ACADVL: variants seen among roughly 807,000 people sequenced by gnomAD.
The protein encoded by ACADVL is acyl-CoA dehydrogenase very long chain.
ACADVL carries 73 observed loss-of-function variants against 80.4 expected under a neutral mutation model. The ratio of observed to expected loss-of-function variants is 0.91; its 90% confidence interval spans 0.75 to 1.10. The LOEUF is 1.10. Among genes scored for constraint, ACADVL ranks in the 50% least tolerant of loss-of-function variants. ACADVL has a pLI of 0.00. For missense variants in ACADVL, 878 were observed against 858.9 expected (o/e 1.02, Z -0.28); for synonymous variants, 392 against 326.5 (o/e 1.20, Z -2.16).
At chr17:7,220,345 G>C (rs925642600) in intron 2 of ACADVL, 119 bp from the exon 3 acceptor site, 21 of 1,558,040 alleles carry the variant, frequency 1.3e-5, no homozygotes, top group Admixed American at 3.5e-5. Context: ...GGGTGCCCTA[G>C]GGCGAAACTA....
chr17:7,218,361 C>T, upstream of ACADVL: 2 of 1,507,180 alleles, frequency 1.3e-6, no homozygotes, highest in Non-Finnish European at 1.8e-6. Context: ...CCGCTGCTGG[C>T]TGGCTGGCAA....
chr17:7,221,973 G>C lies in ACADVL; in HGVS notation c.644G>C (p.Cys215Ser), dbSNP rs761405004. The change falls in exon 8 of 20, where the codon TGT becomes TCT. Residue 215 changes from cysteine (C) to serine (S), a missense_variant. Physicochemically the swap from Cys to Ser is moderately radical, Grantham distance 112 (BLOSUM62 -1). Coordinates refer to ENST00000356839, the MANE Select transcript of ACADVL (RefSeq NM_000018.4). Reference protein sequence around the residue: ...LASGETVAAFCLTEPSSGSDA... With the variant: ...LASGETVAAFSLTEPSSGSDA... Reference sequence around the variant, plus strand: ...ACAGGGGAGACTGTGGCCGCTTTCTGTCTAACCGAGCCCTCAAGCGGGTCA... The same window carrying C: ...ACAGGGGAGACTGTGGCCGCTTTCTCTCTAACCGAGCCCTCAAGCGGGTCA... The C allele has an allele frequency of 1.2e-5, 20 of 1,614,052 alleles. No homozygotes were observed. Among genetic ancestry groups the C allele is most frequent in the Non-Finnish European group, 1.6e-5 (19 of 1,179,948 alleles).
At chr17:7,218,175 A>AT, upstream of ACADVL, 1 of 1,415,614 alleles carries the variant, frequency 7.1e-7, no homozygotes, top group Non-Finnish European at 9.8e-7. Context: ...TATTAGTGAT[A>AT]TTTGGCTCAC....
intron 6 of ACADVL, 38 bp from the exon 7 acceptor site, chr17:7,221,500 C>A (rs755623789): frequency 2.5e-6 from 4 of 1,611,610 alleles, no homozygotes; most frequent in Non-Finnish European, 1.7e-6. Context: ...GGTCCCCCTG[C>A]AGCCAGTGAC....
chr17:7,220,971 G>C lies in ACADVL; in HGVS notation c.390G>C (p.Glu130Asp). Residue 130 changes from glutamate (E) to aspartate (D), a missense_variant, in exon 6 of 20, where the codon GAG becomes GAC. Coordinates refer to ENST00000356839, the MANE Select transcript of ACADVL (RefSeq NM_000018.4). ...ATGACGCTCTGGAGATGGTGGAGGA[G>C]ACCACTTGGCAGGGCCTCAAGGAGC... ...AKNDALEMVE[E>D]TTWQGLKELG... The C allele has an allele frequency of 5.0e-6, 8 of 1,614,070 alleles. No homozygotes were observed. Among genetic ancestry groups the C allele is most frequent in the Non-Finnish European group, 6.8e-6 (8 of 1,180,022 alleles).
rs150033153 is a variant in ACADVL at position 7,221,108 on chromosome 17, A to T, written c.477+50A>T. 1,652 of 1,611,336 alleles carry T rather than the reference A, an allele frequency of 1.0e-3. 19 individuals carry two copies. In the African/African-American group the frequency reaches 0.017, roughly 17 times the overall value. ...CCAGTATGCCATACCCCAGCTTGGC[A>T]GACTCAGCTCTTTTGCCATAGACCT... is the stretch of plus-strand genomic sequence containing the variant. On this transcript the variant is annotated intron_variant, in intron 6 of 19. Transcript: ENST00000356839.
intron 9 of ACADVL, 151 bp from the exon 10 acceptor site, chr17:7,222,516 C>A: frequency 1.7e-6 from 2 of 1,143,710 alleles, no homozygotes; most frequent in Admixed American, 2.1e-5. Flanking sequence ...GCCTCCTTAG[C>A]CCTCAGGGCC....
Position 7,222,311 on chromosome 17 carries a change from A to G in ACADVL, c.878+9A>G. The G allele has an allele frequency of 6.2e-7, 1 of 1,613,406 alleles. No homozygotes were observed. The highest frequency in any genetic ancestry group is 8.5e-7 in the Non-Finnish European group (1 of 1,179,696). On this transcript the variant is annotated intron_variant, in intron 9 of 19. Transcript: ENST00000356839. Reference sequence around the variant, plus strand: ...TTCGGGGGCATTACCCAGTGAGTGAATTTGGGTTGGGGGAGCTTAGGACTG... The same window carrying G: ...TTCGGGGGCATTACCCAGTGAGTGAGTTTGGGTTGGGGGAGCTTAGGACTG...
chr17:7,222,750 A>AC lies in ACADVL; in HGVS notation c.963dup (p.Val322ArgfsTer4). 6.2e-7 allele frequency: 1 copy of AC among 1,614,120 alleles called. No individual in the cohort carries two copies. The highest frequency in any genetic ancestry group is 8.5e-7 in the Non-Finnish European group (1 of 1,180,012). ...GATGGAGTACGGGTGCCATCGGAGA[A>AC]CGTGCTGGGTGAGGTTGGGAGTGGC... On this transcript the variant is annotated frameshift_variant, in exon 10 of 20. Transcript: ENST00000356839. LOFTEE classifies it high-confidence loss of function.
rs1192969297 is a variant in ACADVL at position 7,221,969 on chromosome 17, T to G, written c.640T>G (p.Phe214Val). 6.2e-7 allele frequency: 1 copy of G among 1,614,112 alleles called. No homozygotes were observed. Among genetic ancestry groups the G allele is most frequent in the Non-Finnish European group, 8.5e-7 (1 of 1,180,016 alleles). The change falls in exon 8 of 20, where the codon TTC becomes GTC. Residue 214 changes from phenylalanine (F) to valine (V), a missense_variant. Physicochemically the swap from Phe to Val is conservative, Grantham distance 50. Transcript: ENST00000356839. ...KLASGETVAA[F>V]CLTEPSSGSD... ...CCCAACAGGGGAGACTGTGGCCGCT[T>G]TCTGTCTAACCGAGCCCTCAAGCGG...
At position 7,221,538 on chromosome 17, in the gene ACADVL, T is replaced by C. The variant is rs1381785963; in HGVS notation, c.478T>C (p.Tyr160His). ...CCCCAGATTCCTGCTTCCCCTCCAGTACGCCCGTTTGGTGGAGATCGTGGG... is the reference window on the plus strand; with the variant it reads ...CCCCAGATTCCTGCTTCCCCTCCAGCACGCCCGTTTGGTGGAGATCGTGGG... ...LGGVGLCNTQYARLVEIVGMH... is the reference protein window; with the variant it reads ...LGGVGLCNTQHARLVEIVGMH... Residue 160 changes from tyrosine (Y) to histidine (H), a missense_variant and splice_region_variant, in exon 7 of 20, where the codon TAC (tyrosine) becomes CAC (histidine). Tyr to His is a moderately conservative substitution (Grantham distance 83). Coordinates refer to ENST00000356839, the MANE Select transcript of ACADVL (RefSeq NM_000018.4). The C allele has an allele frequency of 1.2e-6, 2 of 1,614,106 alleles. No homozygotes were observed. The highest frequency in any genetic ancestry group is 1.7e-6 in the Non-Finnish European group (2 of 1,180,030).
At chr17:7,218,404 A>T, upstream of ACADVL, 4 of 1,383,820 alleles carry the variant, frequency 2.9e-6, no homozygotes, top group Admixed American at 2.0e-5. Flanking sequence ...GCTGGTCCAC[A>T]CTCATGGAGG....
intron 6 of ACADVL, 63 bp from the exon 7 acceptor site, chr17:7,221,475 C>T (rs760822399): frequency 1.2e-6 from 2 of 1,611,672 alleles, no homozygotes; most frequent in Non-Finnish European, 1.7e-6. Context: ...TGCCCACACT[C>T]TCCTGTTAAG....
chr17:7,223,911 CA>C (rs1567567557), intron 13 of ACADVL, 36 bp downstream of exon 13: 1 of 1,613,734 alleles, frequency 6.2e-7, no homozygotes, highest in Non-Finnish European at 8.5e-7. Flanking sequence ...TCGGCTGGGC[CA>C]GGGGTGGGTA....
Position 7,224,530 on chromosome 17 carries a change from A to C in ACADVL, c.1656A>C (p.Ile552=). The C allele has an allele frequency of 6.2e-7, 1 of 1,612,882 alleles. No homozygotes were observed. The highest frequency in any genetic ancestry group is 1.1e-5 in the South Asian group (1 of 91,076). The change falls in exon 17 of 20, where the codon ATA becomes ATC. Residue 552 remains isoleucine, a synonymous_variant. Transcript: ENST00000356839. The stretch of plus-strand genomic sequence containing the variant: ...CCACTGTGGTGGAGGCCAAGCTGAT[A>C]AAACACAAGAAGGGGATTGTCAGTA... The part of the protein sequence containing the change: ...QFATVVEAKL[I]KHKKGIVNEQ...
intron 7 of ACADVL, 57 bp from the exon 8 acceptor site, chr17:7,221,895 C>T: frequency 3.1e-6 from 5 of 1,613,216 alleles, no homozygotes; most frequent in Non-Finnish European, 4.2e-6. Context: ...GGGAAGTGGG[C>T]CGAGGGGACT....
rs745557512 is a variant in ACADVL at position 7,222,291 on chromosome 17, G to A, written c.867G>A (p.Gly289=). ...CTTTTGTGGTGGAGAGGGGCTTCGG[G>A]GGCATTACCCAGTGAGTGAATTTGG... ...ITAFVVERGF[G]GITHGPPEKK... is the part of the protein sequence containing the mutation. The change falls in exon 9 of 20, where the codon GGG becomes GGA. Residue 289 remains glycine, a synonymous_variant. Transcript: ENST00000356839. The A allele has an allele frequency of 6.2e-7, 1 of 1,614,020 alleles. No individual in the cohort carries two copies. The highest frequency in any genetic ancestry group is 1.1e-5 in the South Asian group (1 of 91,074).
chr17:7,222,748 G>GA lies in ACADVL; in HGVS notation c.962dup (p.Asn321LysfsTer5). The GA allele has an allele frequency of 6.2e-7, 1 of 1,614,140 alleles. No homozygotes were observed. Among genetic ancestry groups the GA allele is most frequent in the Non-Finnish European group, 8.5e-7 (1 of 1,180,034 alleles). ...TTGATGGAGTACGGGTGCCATCGGAGAACGTGCTGGGTGAGGTTGGGAGTG... is the reference window on the plus strand; with the variant it reads ...TTGATGGAGTACGGGTGCCATCGGAGAAACGTGCTGGGTGAGGTTGGGAGTG... On this transcript the variant is annotated frameshift_variant, in exon 10 of 20. Transcript: ENST00000356839. LOFTEE classifies it high-confidence loss of function.
In ACADVL at chr17:7,224,034, A is replaced by G. The variant is rs755685700; in HGVS notation, c.1399A>G (p.Ile467Val). 3.1e-6 allele frequency: 5 copies of G among 1,614,140 alleles called. No individual in the cohort carries two copies. The highest frequency in any genetic ancestry group is 4.2e-6 in the Non-Finnish European group (5 of 1,180,026). The change falls in exon 14 of 20, where the codon ATT becomes GTT. Residue 467 changes from isoleucine to valine, a missense_variant. By Grantham distance (29) the Ile-to-Val change is conservative. Coordinates refer to ENST00000356839, the MANE Select transcript of ACADVL (RefSeq NM_000018.4). ...CCGGATCTTTGAGGGGACAAATGAC[A>G]TTCTTCGGCTGTTTGTGGCTCTGCA... ...IFRIFEGTND[I>V]LRLFVALQGC...
Sources: allele counts gnomAD v4.1 joint callset, GRCh38; gene constraint gnomAD v4.1.1; transcripts MANE v1.5; gene names NCBI Gene and HGNC (gene_info 2026-07-23, HGNC 2026-07-21).